MEGF8: variants seen among roughly 807,000 people sequenced by gnomAD.
MEGF8 encodes multiple EGF like domains 8, also known as multiple epidermal growth factor-like domains protein 8.
A neutral mutation model predicts 302.9 loss-of-function variants in MEGF8; 156 were observed. The ratio of observed to expected loss-of-function variants is 0.52; its 90% CI spans 0.45 to 0.59. MEGF8 has a LOEUF of 0.59. Ranked by LOEUF, MEGF8 falls within the 20% of genes least tolerant of loss-of-function variation. The pLI is 0.00. For synonymous variants in MEGF8, 1,621 were observed against 1,660.5 expected (o/e 0.98, Z 0.58); for missense variants, 3,345 against 3,964.5 (o/e 0.84, Z 4.20).
chr19:42,353,378 G>A lies in MEGF8; in HGVS notation c.3551-87G>A, dbSNP rs1490226260. The A allele has an allele frequency of 8.3e-6, 12 of 1,440,222 alleles. No individual in the cohort carries two copies. In the Admixed American group the frequency reaches 2.4e-4, roughly 29 times the overall value. 89.2% of individuals were successfully genotyped at this position (1,440,222 alleles called of 1,614,324 possible). A position where few individuals can be genotyped will look rare whatever the true frequency, so the allele number is the denominator to read the frequency against. On this transcript the variant is annotated intron_variant, in intron 20 of 41. Transcript: ENST00000251268. This position sits in a 1 kb window ranked among gnomAD's most constrained non-coding sequence, Gnocchi z 6.1. ...GGTTTCTCACCTTTGAAGCGGCTGG[G>A]TGGGGTCAGGGTTTAGCTGAGCCAG...
chr19:42,360,795 C>G lies in MEGF8; in HGVS notation c.5509C>G (p.Pro1837Ala), dbSNP rs1388547768. 9 of 1,596,198 alleles carry G rather than the reference C, an allele frequency of 5.6e-6. No homozygotes were observed. The highest frequency in any genetic ancestry group is 1.3e-5 in the African/African-American group (1 of 74,710). The change falls in exon 32 of 42, where the codon CCA becomes GCA. Residue 1837 changes from proline (P) to alanine (A), a missense_variant. Pro to Ala is a conservative substitution (Grantham distance 27). Transcript: ENST00000251268. Reference sequence around the variant, plus strand: ...CTCAGGCTCGGCCTCTGTGGGGCCCCCAATGGAGGAGTCTGTGGCCCATGC... The same window carrying G: ...CTCAGGCTCGGCCTCTGTGGGGCCCGCAATGGAGGAGTCTGTGGCCCATGC... ...DLTRSASVGP[P>A]MEESVAHAVA...
chr19:42,377,737 AGATT>A lies in MEGF8; in HGVS notation c.*964_*967del, dbSNP rs1568581783. On this transcript the variant is annotated 3_prime_UTR_variant, in exon 42 of 42. Coordinates refer to ENST00000251268, the MANE Select transcript of MEGF8 (RefSeq NM_001271938.2). ...AGGAGGCGGAGGTTGCAGTGAGCTCAGATTGCGTCACTGCACTCCAACCTGGGTG... is the reference window on the plus strand; with the variant it reads ...AGGAGGCGGAGGTTGCAGTGAGCTCAGCGTCACTGCACTCCAACCTGGGTG... The A allele has an allele frequency of 2.0e-5, 3 of 152,012 alleles. No homozygotes were observed. Among genetic ancestry groups the A allele is most frequent in the Non-Finnish European group, 2.9e-5 (2 of 68,154 alleles). The allele number at this position is 152,012 out of a possible 1,614,324, so 9.4% of individuals were successfully genotyped here. A position where few individuals can be genotyped will look rare whatever the true frequency, so the allele number is the denominator to read the frequency against.
In MEGF8 at chr19:42,358,607, C is replaced by G. The variant is rs1568570675; in HGVS notation, c.5176-180C>G. On this transcript the variant is annotated intron_variant, in intron 29 of 41. Coordinates refer to ENST00000251268, the MANE Select transcript of MEGF8 (RefSeq NM_001271938.2). This position sits in a 1 kb window ranked among gnomAD's most constrained non-coding sequence, Gnocchi z 4.4. Reference sequence around the variant, plus strand: ...TCGTATAAACCAGGACTGAGGCTCCCCGCTCTTTCTGCCTTCAAGGCCAAG... The same window carrying G: ...TCGTATAAACCAGGACTGAGGCTCCGCGCTCTTTCTGCCTTCAAGGCCAAG... Among the ~76,000 whole-genome samples the G allele has an allele frequency of 6.6e-6, 1 of 152,176 alleles. No homozygotes were observed. The highest frequency in any genetic ancestry group is 1.5e-5 in the Non-Finnish European group (1 of 68,020).
chr19:42,369,318 A>T lies in MEGF8; in HGVS notation c.6642-213A>T, dbSNP rs1344446799. ...GGAGACCCCATCTCTACAAAAAAATAAAAAAGAAAATAGGGTACCCTCAAA... is the reference window on the plus strand; with the variant it reads ...GGAGACCCCATCTCTACAAAAAAATTAAAAAGAAAATAGGGTACCCTCAAA... On this transcript the variant is annotated intron_variant, in intron 37 of 41. Transcript: ENST00000251268. This position sits in a 1 kb window ranked among gnomAD's most constrained non-coding sequence, Gnocchi z 5.7. 1.3e-5 allele frequency among the ~76,000 whole-genome samples: 2 copies of T among 152,214 alleles called. No individual in the cohort carries two copies. The highest frequency in any genetic ancestry group is 2.9e-5 in the Non-Finnish European group (2 of 68,046).
At chr19:42,335,699 GC>G (rs1181680352) in intron 5 of MEGF8, among the ~76,000 whole-genome samples, 1 of 152,008 alleles carries the variant, frequency 6.6e-6, no homozygotes, top group Non-Finnish European at 1.5e-5. Flanking sequence ...GTTTCTCTCT[GC>G]CATTTGTCCC....
At chr19:42,337,637 G>A (rs1266263438) in intron 8 of MEGF8, among the ~76,000 whole-genome samples, 20 of 149,096 alleles carry the variant, frequency 1.3e-4, no homozygotes, top group Admixed American at 5.4e-4. Context: ...CTCCTGCATC[G>A]CTGGGACTAC....
chr19:42,369,581 CAT>C lies in MEGF8; in HGVS notation c.6693_6694del (p.Val2233GlyfsTer27), dbSNP rs752197763. 16 of 1,612,138 alleles carry C rather than the reference CAT, an allele frequency of 9.9e-6. No individual in the cohort carries two copies. Among genetic ancestry groups the C allele is most frequent in the Admixed American group, 1.7e-5 (1 of 60,004 alleles). ...TGCGCCCAGGGCTGCGTGAACGGCT[CAT>C]GTGTGGAGCCCGACCACTGCCGCTG... On this transcript the variant is annotated frameshift_variant, in exon 38 of 42. Coordinates refer to ENST00000251268, the MANE Select transcript of MEGF8 (RefSeq NM_001271938.2). LOFTEE classifies it high-confidence loss of function. This position sits in a 1 kb window ranked among gnomAD's most constrained non-coding sequence, Gnocchi z 5.7.
intron 1 of MEGF8, among the ~76,000 whole-genome samples, chr19:42,327,182 T>G (rs971573273): frequency 6.6e-6 from 1 of 152,196 alleles, no homozygotes; most frequent in Non-Finnish European, 1.5e-5. Flanking sequence ...TAAATGGCAT[T>G]AGGATTATTG....
Position 42,353,841 on chromosome 19 carries a change from A to T in MEGF8, c.3828A>T (p.Ala1276=), listed in dbSNP as rs373565478. 1 of 1,611,040 alleles carries T rather than the reference A, an allele frequency of 6.2e-7. No individual in the cohort carries two copies. Among genetic ancestry groups the T allele is most frequent in the Non-Finnish European group, 8.5e-7 (1 of 1,178,840 alleles). Residue 1276 remains alanine, a synonymous_variant, in exon 22 of 42, where the codon GCA becomes GCT. Coordinates refer to ENST00000251268, the MANE Select transcript of MEGF8 (RefSeq NM_001271938.2). This position sits in a 1 kb window ranked among gnomAD's most constrained non-coding sequence, Gnocchi z 6.1. ...TCCTCACCAACGTGTCCTCAGTGGC[A>T]CTGGGCTCACGCCGGGTCGGGGGGC... is the stretch of plus-strand genomic sequence containing the variant. ...RALLTNVSSV[A]LGSRRVGGLL... is the part of the protein sequence containing the mutation.
rs1368069549 is a variant in MEGF8, at chr19:42,377,432, G to A, written c.*657G>A. 1.3e-5 allele frequency: 2 copies of A among 152,712 alleles called. No homozygotes were observed. Among genetic ancestry groups the A allele is most frequent in the African/African-American group, 4.8e-5 (2 of 41,432 alleles). The allele number at this position is 152,712 out of a possible 1,614,324, so 9.5% of individuals were successfully genotyped here. A position where few individuals can be genotyped will look rare whatever the true frequency, so the allele number is the denominator to read the frequency against. ...ATAGGGTTTTGGGTTTTATTCTCAG[G>A]GCAATGGGAAGCTGTTGGATGGTTT... On this transcript the variant is annotated 3_prime_UTR_variant, in exon 42 of 42. Transcript: ENST00000251268.
chr19:42,356,356 C>T lies in MEGF8; in HGVS notation c.4525C>T (p.His1509Tyr), dbSNP rs2039452939. The T allele has an allele frequency of 1.9e-6, 3 of 1,612,912 alleles. No individual in the cohort carries two copies. The highest frequency in any genetic ancestry group is 3.3e-5 in the Admixed American group (2 of 59,894). ...CTAGGACACTGCCAGCCGCTTCCTGCACCGCCTGGGCCACACCATGGTGGA... is the reference window on the plus strand; with the variant it reads ...CTAGGACACTGCCAGCCGCTTCCTGTACCGCCTGGGCCACACCATGGTGGA... ...LSADTASRFL[H>Y]RLGHTMVDGP... Residue 1509 changes from histidine to tyrosine, a missense_variant, in exon 26 of 42, where the codon CAC (histidine) becomes TAC (tyrosine). Physicochemically the swap from His to Tyr is moderately conservative, Grantham distance 83 (BLOSUM62 2). Coordinates refer to ENST00000251268, the MANE Select transcript of MEGF8 (RefSeq NM_001271938.2). This position sits in a 1 kb window ranked among gnomAD's most constrained non-coding sequence, Gnocchi z 5.2.
chr19:42,329,212 C>G (rs2039024041), intron 1 of MEGF8, among the ~76,000 whole-genome samples: 1 of 152,072 alleles, frequency 6.6e-6, no homozygotes, highest in Non-Finnish European at 1.5e-5. Context: ...CCTTGAATGT[C>G]ACACTGAGCA....
intron 8 of MEGF8, among the ~76,000 whole-genome samples, chr19:42,341,541 A>G (rs1185053714): frequency 6.6e-6 from 1 of 151,856 alleles, no homozygotes; most frequent in Non-Finnish European, 1.5e-5. Flanking sequence ...GGCTCAAGTC[A>G]TCCTTCCATC....
In MEGF8 at chr19:42,370,745, G is replaced by A. The variant is rs1483068117; in HGVS notation, c.7050G>A (p.Val2350=). 6.9e-6 allele frequency: 11 copies of A among 1,585,148 alleles called. No homozygotes were observed. The South Asian group carries it at 1.2e-4, about 17-fold the overall frequency. ...VTEGPSEDEA[V]CVNCQNNSYG... Reference sequence around the variant, plus strand: ...AGGGTCCTAGTGAAGACGAGGCCGTGTGCGTGAACTGCCAGAATAACAGCT... The same window carrying A: ...AGGGTCCTAGTGAAGACGAGGCCGTATGCGTGAACTGCCAGAATAACAGCT... Residue 2350 remains valine (V), a synonymous_variant, in exon 40 of 42, where the codon GTG becomes GTA. Transcript: ENST00000251268.
At chr19:42,363,600 C>T (rs1027668572) in intron 35 of MEGF8, among the ~76,000 whole-genome samples, 10 of 152,206 alleles carry the variant, frequency 6.6e-5, no homozygotes, top group South Asian at 4.1e-4. Flanking sequence ...TTAATTTTGT[C>T]GATATAATTC....
At chr19:42,327,370 G>A (rs1486177729) in intron 1 of MEGF8, among the ~76,000 whole-genome samples, 1 of 152,192 alleles carries the variant, frequency 6.6e-6, no homozygotes, top group Non-Finnish European at 1.5e-5. Flanking sequence ...GACAAGAGTG[G>A]TCTTTGATGG....
At chr19:42,373,254 C>T (rs751479408) in intron 41 of MEGF8, among the ~76,000 whole-genome samples, 2 of 151,474 alleles carry the variant, frequency 1.3e-5, no homozygotes, top group Non-Finnish European at 2.9e-5. Flanking sequence ...CACCACCCCC[C>T]GCTAATTTTT....
At chr19:42,327,660 T>C (rs571734538) in intron 1 of MEGF8, among the ~76,000 whole-genome samples, 2 of 152,196 alleles carry the variant, frequency 1.3e-5, no homozygotes, top group African/African-American at 2.4e-5. Context: ...TGTGAAGACA[T>C]GTGGCTTAAC....
At chr19:42,372,470 C>T in intron 41 of MEGF8, among the ~76,000 whole-genome samples, 1 of 152,180 alleles carries the variant, frequency 6.6e-6, no homozygotes, top group African/African-American at 2.4e-5. Flanking sequence ...CCCGCCACCT[C>T]CCCGCCACCT....
Sources: gnomAD v4.1 joint callset for allele counts (sites outside exome capture counted in the v4.1 genomes callset) on GRCh38, gnomAD v4.1.1 for gene constraint, Gnocchi (gnomAD v3.1) non-coding constraint, MANE v1.5 for transcripts, NCBI Gene and HGNC (gene_info 2026-07-23, HGNC 2026-07-21) for gene names.